The following RBFOX1 variants were observed in gnomAD, a reference collection of about 807,000 sequenced individuals.
RBFOX1 encodes the protein RNA binding fox-1 homolog 1.
Under a neutral mutation model 57.7 loss-of-function variants are expected in RBFOX1, and 8 were observed. That is an observed-to-expected ratio of 0.14 (90% CI 0.08 to 0.25). RBFOX1 has a LOEUF of 0.25. Among genes scored for constraint, RBFOX1 ranks in the 10% least tolerant of loss-of-function variants. The probability of loss-of-function intolerance (pLI) is 1.00; values close to 1 mark genes in which losing one functional copy is unlikely to be tolerated. For synonymous variants in RBFOX1, 326 were observed against 222.4 expected (o/e 1.47, Z -4.15); for missense variants, 611 against 548.5 (o/e 1.11, Z -1.14).
intron 1 of RBFOX1, among the ~76,000 whole-genome samples, chr16:5,436,439 T>C (rs994082830): frequency 6.6e-6 from 1 of 152,190 alleles, no homozygotes; most frequent in African/African-American, 2.4e-5. Context: ...TCTAAGCTCT[T>C]TGCATTCAGG....
At chr16:7,158,212 G>A (rs937045777) in intron 4 of RBFOX1, among the ~76,000 whole-genome samples, 9 of 152,022 alleles carry the variant, frequency 5.9e-5, no homozygotes, top group African/African-American at 1.2e-4. Flanking sequence ...CGAGCGTGCC[G>A]GTGGGCTCCT....
intron 2 of RBFOX1, among the ~76,000 whole-genome samples, chr16:6,398,849 C>G (rs897850924): frequency 2.2e-4 from 34 of 152,232 alleles, no homozygotes; most frequent in Non-Finnish European, 3.8e-4. Context: ...TGGTCCTCTT[C>G]TCATAGCTTC....
chr16:6,329,171 C>T lies in RBFOX1; in HGVS notation c.-64+12114C>T, dbSNP rs141382869. ...CAAGTGCTGAATTCCTACCTGACTC[C>T]ATGAAGTGGAAAGCAGTTGTTGTTC... On this transcript the variant is annotated intron_variant, in intron 2 of 15. Transcript: ENST00000550418. 2.6e-5 allele frequency among the ~76,000 whole-genome samples: 4 copies of T among 152,256 alleles called. No individual in the cohort carries two copies. In the East Asian group the frequency reaches 5.8e-4, roughly 22 times the overall value.
intron 2 of RBFOX1, among the ~76,000 whole-genome samples, chr16:6,629,912 C>T (rs1184464903): frequency 8.6e-5 from 13 of 150,388 alleles, no homozygotes; most frequent in Admixed American, 8.0e-4. Context: ...ATTTTAATGA[C>T]CTCTGCTACA....
rs147432959 is a variant in RBFOX1, at chr16:5,484,828, C to G, written c.258+17574C>G. ...TCAGGAGGCTGAGGCAGGAGAATCA[C>G]TTGAACCAGGGAGCCAGAGATCGTG... is the stretch of plus-strand genomic sequence containing the variant. On this transcript the variant is annotated intron_variant, in intron 2 of 2. Coordinates refer to the RBFOX1 transcript ENST00000585867. 5.9e-3 allele frequency among the ~76,000 whole-genome samples: 896 copies of G among 151,698 alleles called. 5 individuals are homozygous for G. Among genetic ancestry groups the G allele is most frequent in the Non-Finnish European group, 8.7e-3 (589 of 67,948 alleles).
Position 7,271,862 on chromosome 16 carries a change from T to C in RBFOX1, c.27+219764T>C, listed in dbSNP as rs944251220. Among the ~76,000 whole-genome samples the C allele has an allele frequency of 8.5e-5, 13 of 152,240 alleles. No individual in the cohort carries two copies. The East Asian group carries it at 1.5e-3, about 18-fold the overall frequency. ...CAAAGCTATGGCCAAGGCAGAGGCT[T>C]CCTCACAGCCCATCCCCTGTGCATA... is the stretch of plus-strand genomic sequence containing the variant. On this transcript the variant is annotated intron_variant, in intron 4 of 15. Transcript: ENST00000550418.
intron 3 of RBFOX1, among the ~76,000 whole-genome samples, chr16:5,614,711 A>G (rs2047956326): frequency 1.3e-5 from 2 of 152,254 alleles, no homozygotes. Context: ...ACTAGCAGGA[A>G]GAAGACACAT....
chr16:5,798,511 C>A (rs1597299548), intron 3 of RBFOX1, among the ~76,000 whole-genome samples: 2 of 152,280 alleles, frequency 1.3e-5, no homozygotes, highest in South Asian at 4.1e-4. Context: ...TTGAAACAAC[C>A]TGGCAAGTGG....
intron 4 of RBFOX1, among the ~76,000 whole-genome samples, chr16:7,276,973 T>G (rs965939015): frequency 1.3e-5 from 2 of 152,250 alleles, no homozygotes; most frequent in South Asian, 4.1e-4. Context: ...AAGCAGCTTA[T>G]GTGCAGCAAA....
At chr16:6,431,016 T>C (rs2094066254) in intron 2 of RBFOX1, among the ~76,000 whole-genome samples, 1 of 149,152 alleles carries the variant, frequency 6.7e-6, no homozygotes. Context: ...TGTGCACCTG[T>C]AGTCCCAGCT....
At chr16:5,514,146 A>C (rs2151729239) in intron 2 of RBFOX1, among the ~76,000 whole-genome samples, 1 of 152,284 alleles carries the variant, frequency 6.6e-6, no homozygotes, top group East Asian at 1.9e-4. Flanking sequence ...TCCAAGCAGC[A>C]AGCATCAGAT....
At chr16:7,378,619 T>A (rs1306329513) in intron 4 of RBFOX1, among the ~76,000 whole-genome samples, 2 of 152,220 alleles carry the variant, frequency 1.3e-5, no homozygotes, top group African/African-American at 4.8e-5. Context: ...ATTGTTTTTC[T>A]TCCTTTTTTT....
intron 4 of RBFOX1, chr16:7,333,035 T>C (rs2096720340): frequency 6.2e-7 from 1 of 1,613,732 alleles, no homozygotes; most frequent in African/African-American, 1.3e-5. Flanking sequence ...CCTGCATCCT[T>C]ATGGCGTGCC....
Position 6,208,226 on chromosome 16 carries a change from G to A in RBFOX1, c.-126-108769G>A, listed in dbSNP as rs115117729. ...TAAGTTTAAAAAAATACTGATTACT[G>A]ATAATGAGTGATACATATTTCTGGG... On this transcript the variant is annotated intron_variant, in intron 1 of 15. Transcript: ENST00000550418. Among the ~76,000 whole-genome samples the A allele has an allele frequency of 1.3e-3, 200 of 151,956 alleles. 1 individual carries two copies. The highest frequency in any genetic ancestry group is 4.6e-3 in the African/African-American group (191 of 41,432).
chr16:6,898,070 G>C (rs1488143877), intron 3 of RBFOX1, among the ~76,000 whole-genome samples: 2 of 152,148 alleles, frequency 1.3e-5, no homozygotes, highest in Non-Finnish European at 2.9e-5. Flanking sequence ...CTGATACTTG[G>C]CAGTTATTTC....
chr16:5,936,550 G>C (rs1173997270), intron 4 of RBFOX1, among the ~76,000 whole-genome samples: 1 of 152,194 alleles, frequency 6.6e-6, no homozygotes, highest in African/African-American at 2.4e-5. Context: ...AGACTGATGT[G>C]TTTTGCTCTA....
chr16:6,392,121 C>T (rs2092631787), intron 2 of RBFOX1, among the ~76,000 whole-genome samples: 2 of 152,178 alleles, frequency 1.3e-5, no homozygotes, highest in African/African-American at 4.8e-5. Flanking sequence ...TGACTCTGTT[C>T]TATGGCCTGG....
At chr16:5,711,201 T>C (rs1386229711) in intron 3 of RBFOX1, among the ~76,000 whole-genome samples, 3 of 152,236 alleles carry the variant, frequency 2.0e-5, no homozygotes, top group African/African-American at 7.2e-5. Context: ...CATGCCATGA[T>C]TCTAAATGCT....
At chr16:6,996,077 A>G (rs1178001783) in intron 3 of RBFOX1, among the ~76,000 whole-genome samples, 1 of 152,232 alleles carries the variant, frequency 6.6e-6, no homozygotes, top group Admixed American at 6.5e-5. Context: ...CTTGAAGACC[A>G]TCAGTGATCC....
Sources: allele counts gnomAD v4.1 joint callset (sites outside exome capture counted in the v4.1 genomes callset), GRCh38; gene constraint gnomAD v4.1.1; transcripts MANE v1.5; gene names NCBI Gene and HGNC (gene_info 2026-07-23, HGNC 2026-07-21).